NKAPL: variants seen among roughly 807,000 people sequenced by gnomAD.
NKAPL encodes the protein NKAP-like protein.
NKAPL carries 7 observed loss-of-function variants against 14.7 expected under a neutral mutation model. The observed-to-expected ratio is 0.48, with a 90% CI of 0.27 to 0.89. The LOEUF (loss-of-function observed/expected upper bound fraction) is 0.89. NKAPL is among the 40% of genes least tolerant of loss of function. The pLI, the probability that NKAPL is intolerant of heterozygous loss-of-function variation, is 0.12. For synonymous variants in NKAPL, 192 were observed against 179.9 expected, an observed-to-expected ratio of 1.07 and a Z score of -0.54; for missense variants, 466 against 494.1, an observed-to-expected ratio of 0.94 and a Z score of 0.54.
chr6:28,259,649 GATATCGCT>G lies in NKAPL; in HGVS notation c.280_287del (p.Tyr94ProfsTer39). 6.2e-7 allele frequency: 1 copy of G among 1,614,250 alleles called. No homozygotes were observed. Among genetic ancestry groups the G allele is most frequent in the South Asian group, 1.1e-5 (1 of 91,092 alleles). ...TCCTCCTGGTCGACCTCGTATAGTG[GATATCGCT>G]ACCATCGTCACTGCTATGCAGAAGA... On this transcript the variant is annotated frameshift_variant, in exon 1 of 1. Transcript: ENST00000343684. LOFTEE classifies it low-confidence loss of function (END_TRUNC).
In NKAPL at chr6:28,260,759, T is replaced by C; in HGVS notation, c.*179T>C. 2 of 664,120 alleles carry C rather than the reference T, an allele frequency of 3.0e-6. No homozygotes were observed. Among genetic ancestry groups the C allele is most frequent in the Non-Finnish European group, 4.9e-6 (2 of 409,946 alleles). 41.1% of individuals were successfully genotyped at this position (664,120 alleles called of 1,614,324 possible). A position where few individuals can be genotyped will look rare whatever the true frequency, so the allele number is the denominator to read the frequency against. On this transcript the variant is annotated 3_prime_UTR_variant, in exon 1 of 1. Transcript: ENST00000343684. ...TATTTTAACTTTAAAAAGTAATATG[T>C]GCACATGGTTTTAAAAATATTCAAC...
At position 28,260,511 on chromosome 6, in the gene NKAPL, A is replaced by G. The variant is rs767920001; in HGVS notation, c.1140A>G (p.Arg380=). The G allele has an allele frequency of 6.2e-7, 1 of 1,614,094 alleles. No homozygotes were observed. Among genetic ancestry groups the G allele is most frequent in the East Asian group, 2.2e-5 (1 of 44,872 alleles). Residue 380 remains arginine, a synonymous_variant, in exon 1 of 1, where the codon AGA becomes AGG. Transcript: ENST00000343684. ...ASFNQEERRK[R]ESKILASFRE... ...TTAACCAAGAAGAGAGACGAAAGAG[A>G]GAAAGTAAGATTTTAGCCAGTTTCC... is the stretch of plus-strand genomic sequence containing the variant.
At position 28,260,707 on chromosome 6, in the gene NKAPL, A is replaced by G. The variant is rs1761329698; in HGVS notation, c.*127A>G. 8.6e-7 allele frequency: 1 copy of G among 1,158,990 alleles called. No individual in the cohort carries two copies. Among genetic ancestry groups the G allele is most frequent in the Non-Finnish European group, 1.2e-6 (1 of 841,994 alleles). 71.8% of individuals were successfully genotyped at this position (1,158,990 alleles called of 1,614,324 possible). A position where few individuals can be genotyped will look rare whatever the true frequency, so the allele number is the denominator to read the frequency against. Reference sequence around the variant, plus strand: ...GTCCCTCAGGAAAAAGCTTCTTTTGAGATATCTTTAGCAGCTTATTTTTTG... The same window carrying G: ...GTCCCTCAGGAAAAAGCTTCTTTTGGGATATCTTTAGCAGCTTATTTTTTG... On this transcript the variant is annotated 3_prime_UTR_variant, in exon 1 of 1. Transcript: ENST00000343684.
Position 28,260,846 on chromosome 6 carries a change from C to A in NKAPL, c.*266C>A. On this transcript the variant is annotated 3_prime_UTR_variant, in exon 1 of 1. Coordinates refer to ENST00000343684, the MANE Select transcript of NKAPL (RefSeq NM_001007531.3). ...CACTTTAGCCCCTGACACCTTTCCC[C>A]CAAAAATATATATTTTGGTGTCTTA... 1 of 358,558 alleles carries A rather than the reference C, an allele frequency of 2.8e-6. No individual in the cohort carries two copies. The highest frequency in any genetic ancestry group is 5.3e-6 in the Non-Finnish European group (1 of 189,130). 22.2% of individuals were successfully genotyped at this position (358,558 alleles called of 1,614,324 possible).
In NKAPL at chr6:28,259,818, C is replaced by G; in HGVS notation, c.447C>G (p.Asp149Glu). The change falls in exon 1 of 1, where the codon GAC becomes GAG. Residue 149 changes from aspartate (D) to glutamate (E), a missense_variant. Coordinates refer to ENST00000343684, the MANE Select transcript of NKAPL (RefSeq NM_001007531.3). ...PSPKFPQLDS[D>E]EHTPVEDEEE... Reference sequence around the variant, plus strand: ...CAAAGTTCCCTCAGCTAGATTCTGACGAACATACCCCAGTTGAGGATGAAG... The same window carrying G: ...CAAAGTTCCCTCAGCTAGATTCTGAGGAACATACCCCAGTTGAGGATGAAG... 6.2e-7 allele frequency: 1 copy of G among 1,614,108 alleles called. No homozygotes were observed. The highest frequency in any genetic ancestry group is 1.1e-5 in the South Asian group (1 of 91,086).
Position 28,259,854 on chromosome 6 carries a change from G to C in NKAPL, c.483G>C (p.Thr161=), listed in dbSNP as rs1303251552. The C allele has an allele frequency of 6.2e-7, 1 of 1,614,094 alleles. No homozygotes were observed. The change falls in exon 1 of 1, where the codon ACG becomes ACC. Residue 161 remains threonine, a synonymous_variant. Coordinates refer to ENST00000343684, the MANE Select transcript of NKAPL (RefSeq NM_001007531.3). Reference sequence around the variant, plus strand: ...CAGTTGAGGATGAAGAAGAGGTAACGCATCAGAAAAGCAGCAGTTCAGATT... The same window carrying C: ...CAGTTGAGGATGAAGAAGAGGTAACCCATCAGAAAAGCAGCAGTTCAGATT... ...HTPVEDEEEV[T]HQKSSSSDSN...
chr6:28,259,626 C>T lies in NKAPL; in HGVS notation c.255C>T (p.Ser85=). Reference sequence around the variant, plus strand: ...GATTCCGCAACTACGCCTTCGCGTCCTCCTGGTCGACCTCGTATAGTGGAT... The same window carrying T: ...GATTCCGCAACTACGCCTTCGCGTCTTCCTGGTCGACCTCGTATAGTGGAT... ...LPRFRNYAFA[S]SWSTSYSGYR... is the part of the protein sequence containing the mutation. Residue 85 remains serine, a synonymous_variant, in exon 1 of 1, where the codon TCC becomes TCT. Transcript: ENST00000343684. 1.2e-6 allele frequency: 2 copies of T among 1,614,256 alleles called. No individual in the cohort carries two copies. Among genetic ancestry groups the T allele is most frequent in the Non-Finnish European group, 1.7e-6 (2 of 1,180,038 alleles).
At position 28,259,469 on chromosome 6, in the gene NKAPL, G is replaced by T; in HGVS notation, c.98G>T (p.Arg33Ile). The T allele has an allele frequency of 6.2e-7, 1 of 1,614,084 alleles. No homozygotes were observed. Among genetic ancestry groups the T allele is most frequent in the Non-Finnish European group, 8.5e-7 (1 of 1,180,038 alleles). Reference protein sequence around the residue: ...SSGSPPSPQSRCSSWDGCSRS... With the variant: ...SSGSPPSPQSICSSWDGCSRS... ...GGGAGCCCACCATCCCCGCAGAGCA[G>T]ATGTTCCTCTTGGGATGGCTGTTCC... The change falls in exon 1 of 1, where the codon AGA becomes ATA. Residue 33 changes from arginine (R) to isoleucine (I), a missense_variant. Physicochemically the swap from Arg to Ile is moderately conservative, Grantham distance 97. Transcript: ENST00000343684.
At position 28,259,387 on chromosome 6, in the gene NKAPL, C is replaced by G; in HGVS notation, c.16C>G (p.Arg6Gly). The change falls in exon 1 of 1, where the codon CGG (arginine) becomes GGG (glycine). Residue 6 changes from arginine (R) to glycine (G), a missense_variant. Transcript: ENST00000343684. Reference sequence around the variant, plus strand: ...GGCGCGGCTCATGCCCCCAGTATCCCGGTCCAGCTATTCCGAGGACATCGT... The same window carrying G: ...GGCGCGGCTCATGCCCCCAGTATCCGGGTCCAGCTATTCCGAGGACATCGT... MPPVS[R>G]SSYSEDIVGS... 1 of 1,584,294 alleles carries G rather than the reference C, an allele frequency of 6.3e-7. No individual in the cohort carries two copies.
Position 28,260,211 on chromosome 6 carries a change from A to C in NKAPL, c.840A>C (p.Pro280=). 6.2e-7 allele frequency: 1 copy of C among 1,614,114 alleles called. No individual in the cohort carries two copies. The highest frequency in any genetic ancestry group is 1.7e-5 in the Admixed American group (1 of 60,032). The change falls in exon 1 of 1, where the codon CCA becomes CCC. Residue 280 remains proline (P), a synonymous_variant. Transcript: ENST00000343684. ...CAGATACTATGGATTTAATAGGGCC[A>C]GAAGCACCTATAATACATACCTCTC... The part of the protein sequence containing the change: ...NVADTMDLIG[P]EAPIIHTSQD...
rs533211104 is a variant in NKAPL, at chr6:28,260,779, T to C, written c.*199T>C. The C allele has an allele frequency of 2.8e-5, 16 of 574,410 alleles. No homozygotes were observed. The African/African-American group carries it at 3.0e-4, about 11-fold the overall frequency. 35.6% of individuals were successfully genotyped at this position (574,410 alleles called of 1,614,324 possible). ...ATATGTGCACATGGTTTTAAAAATA[T>C]TCAACCATTATAGGAGGAGAGTTAG... On this transcript the variant is annotated 3_prime_UTR_variant, in exon 1 of 1. Coordinates refer to ENST00000343684, the MANE Select transcript of NKAPL (RefSeq NM_001007531.3).
chr6:28,260,755 T>C lies in NKAPL; in HGVS notation c.*175T>C. The C allele has an allele frequency of 1.4e-6, 1 of 694,376 alleles. No individual in the cohort carries two copies. The highest frequency in any genetic ancestry group is 2.3e-6 in the Non-Finnish European group (1 of 430,154). 43.0% of individuals were successfully genotyped at this position (694,376 alleles called of 1,614,324 possible). ...TTGTTATTTTAACTTTAAAAAGTAA[T>C]ATGTGCACATGGTTTTAAAAATATT... On this transcript the variant is annotated 3_prime_UTR_variant, in exon 1 of 1. Transcript: ENST00000343684.
chr6:28,259,635 G>A lies in NKAPL; in HGVS notation c.264G>A (p.Ser88=). 6.2e-7 allele frequency: 1 copy of A among 1,614,232 alleles called. No individual in the cohort carries two copies. The highest frequency in any genetic ancestry group is 1.1e-5 in the South Asian group (1 of 91,088). The change falls in exon 1 of 1, where the codon TCG becomes TCA. Residue 88 remains serine (S), a synonymous_variant. Transcript: ENST00000343684. ...ACTACGCCTTCGCGTCCTCCTGGTCGACCTCGTATAGTGGATATCGCTACC... is the reference window on the plus strand; with the variant it reads ...ACTACGCCTTCGCGTCCTCCTGGTCAACCTCGTATAGTGGATATCGCTACC... ...FRNYAFASSW[S]TSYSGYRYHR...
Position 28,259,851 on chromosome 6 carries a change from AACG to A in NKAPL, c.481_483del (p.Thr161del). On this transcript the variant is annotated inframe_deletion, in exon 1 of 1. Coordinates refer to ENST00000343684, the MANE Select transcript of NKAPL (RefSeq NM_001007531.3). Reference sequence around the variant, plus strand: ...CCCCAGTTGAGGATGAAGAAGAGGTAACGCATCAGAAAAGCAGCAGTTCAGATT... The same window carrying A: ...CCCCAGTTGAGGATGAAGAAGAGGTACATCAGAAAAGCAGCAGTTCAGATT... 1 of 1,614,210 alleles carries A rather than the reference AACG, an allele frequency of 6.2e-7. No individual in the cohort carries two copies. The highest frequency in any genetic ancestry group is 1.1e-5 in the South Asian group (1 of 91,088).
Position 28,259,621 on chromosome 6 carries a change from G to A in NKAPL, c.250G>A (p.Ala84Thr). The A allele has an allele frequency of 6.2e-7, 1 of 1,614,238 alleles. No individual in the cohort carries two copies. Among genetic ancestry groups the A allele is most frequent in the South Asian group, 1.1e-5 (1 of 91,092 alleles). The change falls in exon 1 of 1, where the codon GCG (alanine) becomes ACG (threonine). Residue 84 changes from alanine (A) to threonine (T), a missense_variant. Coordinates refer to ENST00000343684, the MANE Select transcript of NKAPL (RefSeq NM_001007531.3). ...RLPRFRNYAF[A>T]SSWSTSYSGY... ...CCCAAGATTCCGCAACTACGCCTTCGCGTCCTCCTGGTCGACCTCGTATAG... is the reference window on the plus strand; with the variant it reads ...CCCAAGATTCCGCAACTACGCCTTCACGTCCTCCTGGTCGACCTCGTATAG...
Position 28,259,349 on chromosome 6 carries a change from C to T in NKAPL, c.-23C>T, listed in dbSNP as rs755524580. On this transcript the variant is annotated 5_prime_UTR_variant, in exon 1 of 1. Coordinates refer to ENST00000343684, the MANE Select transcript of NKAPL (RefSeq NM_001007531.3). ...AGCCAGCCTCTGGGTCTGTAGCAAC[C>T]GCCCAGCGTTGAGGCGCGGCTCATG... is the stretch of plus-strand genomic sequence containing the variant. 4 of 1,530,192 alleles carry T rather than the reference C, an allele frequency of 2.6e-6. No homozygotes were observed. The East Asian group carries it at 6.9e-5, about 26-fold the overall frequency. The allele number at this position is 1,530,192 out of a possible 1,614,324, so 94.8% of individuals were successfully genotyped here.
rs773372278 is a variant in NKAPL, at chr6:28,259,817, A to G, written c.446A>G (p.Asp149Gly). 1 of 1,614,236 alleles carries G rather than the reference A, an allele frequency of 6.2e-7. No homozygotes were observed. Among genetic ancestry groups the G allele is most frequent in the South Asian group, 1.1e-5 (1 of 91,086 alleles). The change falls in exon 1 of 1, where the codon GAC becomes GGC. Residue 149 changes from aspartate (D) to glycine (G), a missense_variant. By Grantham distance (94) the Asp-to-Gly change is moderately conservative (BLOSUM62 -1). Transcript: ENST00000343684. ...PSPKFPQLDSDEHTPVEDEEE... is the reference protein window; with the variant it reads ...PSPKFPQLDSGEHTPVEDEEE... ...CCAAAGTTCCCTCAGCTAGATTCTGACGAACATACCCCAGTTGAGGATGAA... is the reference window on the plus strand; with the variant it reads ...CCAAAGTTCCCTCAGCTAGATTCTGGCGAACATACCCCAGTTGAGGATGAA...
chr6:28,260,309 A>C lies in NKAPL; in HGVS notation c.938A>C (p.Lys313Thr). Residue 313 changes from lysine (K) to threonine (T), a missense_variant, in exon 1 of 1, where the codon AAA becomes ACA. Coordinates refer to ENST00000343684, the MANE Select transcript of NKAPL (RefSeq NM_001007531.3). ...GGTGCAGCTATGGCTGAGTATGTAA[A>C]AGCTGGAAAGCGAATCCCACGAAGA... ...GEGAAMAEYV[K>T]AGKRIPRRGE... 6.2e-7 allele frequency: 1 copy of C among 1,614,194 alleles called. No individual in the cohort carries two copies. The highest frequency in any genetic ancestry group is 8.5e-7 in the Non-Finnish European group (1 of 1,180,024).
chr6:28,259,458 C>T lies in NKAPL; in HGVS notation c.87C>T (p.Ser29=). 2 of 1,613,672 alleles carry T rather than the reference C, an allele frequency of 1.2e-6. No individual in the cohort carries two copies. The highest frequency in any genetic ancestry group is 8.5e-7 in the Non-Finnish European group (1 of 1,179,764). The part of the protein sequence containing the change: ...RRRSSSGSPP[S]PQSRCSSWDG... The stretch of plus-strand genomic sequence containing the variant: ...GCAGCTCCTCGGGGAGCCCACCATC[C>T]CCGCAGAGCAGATGTTCCTCTTGGG... The change falls in exon 1 of 1, where the codon TCC becomes TCT. Residue 29 remains serine (S), a synonymous_variant. Coordinates refer to ENST00000343684, the MANE Select transcript of NKAPL (RefSeq NM_001007531.3).
Sources: gnomAD v4.1 joint callset for allele counts on GRCh38, gnomAD v4.1.1 for gene constraint, MANE v1.5 for transcripts, NCBI Gene and HGNC (gene_info 2026-07-23, HGNC 2026-07-21) for gene names.